SPHKAP: variants seen among roughly 807,000 people sequenced by gnomAD.
SPHKAP encodes SPHK1 interactor, AKAP domain containing.
Under a neutral mutation model 137.5 loss-of-function variants are expected in SPHKAP, and 67 were observed. That is an observed-to-expected ratio of 0.49 (90% CI 0.40 to 0.60). The LOEUF is 0.60. Ranked by LOEUF, SPHKAP falls within the 20% of genes least tolerant of loss-of-function variation. SPHKAP has a pLI of 0.00. For synonymous variants in SPHKAP, 813 were observed against 785.3 expected, an observed-to-expected ratio of 1.04 and a Z score of -0.59; for missense variants, 2,097 against 2,069.3, an observed-to-expected ratio of 1.01 and a Z score of -0.26.
Position 228,017,469 on chromosome 2 carries a change from A to G in SPHKAP, c.3385T>C (p.Phe1129Leu), listed in dbSNP as rs1559348608. Residue 1129 changes from phenylalanine (F) to leucine (L), a missense_variant, in exon 7 of 12, where the codon TTT becomes CTT. Transcript: ENST00000392056. Reference protein sequence around the residue: ...QSSCESITDEFSRFMVNQMEN... With the variant: ...QSSCESITDELSRFMVNQMEN... The stretch of plus-strand genomic sequence containing the variant: ...ATCTGGTTCACCATGAACCTGGAAA[A>G]CTCATCGGTGATGCTCTCACAGCTC... 6.2e-7 allele frequency: 1 copy of G among 1,612,064 alleles called. No homozygotes were observed. Among genetic ancestry groups the G allele is most frequent in the South Asian group, 1.1e-5 (1 of 90,924 alleles).
rs539419410 is a variant in SPHKAP at position 228,162,943 on chromosome 2, T to A, written c.32+18624A>T. Among the ~76,000 whole-genome samples, 11 of 152,202 alleles carry A rather than the reference T, an allele frequency of 7.2e-5. No homozygotes were observed. The South Asian group carries it at 2.3e-3, about 32-fold the overall frequency. On this transcript the variant is annotated intron_variant, in intron 1 of 11. Coordinates refer to ENST00000392056, the MANE Select transcript of SPHKAP (RefSeq NM_001142644.2). The stretch of plus-strand genomic sequence containing the variant: ...CAAACTCCTGACCTCAGTTGATCCA[T>A]CCAGCTCGGCCTCCCAAAGTGCTGT...
At chr2:228,034,736 C>T (rs890226530) in intron 3 of SPHKAP, among the ~76,000 whole-genome samples, 1 of 152,176 alleles carries the variant, frequency 6.6e-6, no homozygotes, top group African/African-American at 2.4e-5. Context: ...ATATGCAAAT[C>T]AATGAACATA....
chr2:228,073,581 C>A (rs57730328), intron 3 of SPHKAP, among the ~76,000 whole-genome samples: 1 of 152,174 alleles, frequency 6.6e-6, no homozygotes, highest in African/African-American at 2.4e-5. Flanking sequence ...ATAACATAAA[C>A]AGAGCCTGAC....
chr2:228,034,113 C>T (rs1695471202), intron 3 of SPHKAP, among the ~76,000 whole-genome samples: 1 of 151,898 alleles, frequency 6.6e-6, no homozygotes, highest in Non-Finnish European at 1.5e-5. Context: ...AAAAGATCAA[C>T]AAAATTGATA....
intron 3 of SPHKAP, among the ~76,000 whole-genome samples, chr2:228,069,491 C>T (rs1484361050): frequency 2.1e-5 from 3 of 139,790 alleles, no homozygotes; most frequent in African/African-American, 5.5e-5. Flanking sequence ...CACTCTGTTG[C>T]TCAGGCTGGT....
intron 2 of SPHKAP, among the ~76,000 whole-genome samples, chr2:228,117,884 G>C (rs1272212976): frequency 1.5e-5 from 2 of 136,498 alleles, no homozygotes; most frequent in Non-Finnish European, 3.2e-5. Context: ...AAATTTTATT[G>C]GTTCATTGAA....
At chr2:227,986,958 C>G (rs1162737846) in intron 11 of SPHKAP, among the ~76,000 whole-genome samples, 1 of 152,172 alleles carries the variant, frequency 6.6e-6, no homozygotes, top group Non-Finnish European at 1.5e-5. Context: ...TAATTACATT[C>G]AAGTTAACTG....
chr2:228,122,854 G>C (rs532366721), intron 2 of SPHKAP, among the ~76,000 whole-genome samples: 1 of 152,308 alleles, frequency 6.6e-6, no homozygotes, highest in Admixed American at 6.5e-5. Context: ...TGGCTCTGTA[G>C]ATGCAACTGG....
chr2:227,981,985 C>T, intron 11 of SPHKAP, 125 bp from the exon 12 acceptor site: 1 of 1,339,296 alleles, frequency 7.5e-7, no homozygotes. Context: ...TGTCAGAGGA[C>T]TGTTTTCCGG....
chr2:228,045,974 G>T (rs765692473), intron 3 of SPHKAP, among the ~76,000 whole-genome samples: 2 of 152,086 alleles, frequency 1.3e-5, no homozygotes, highest in African/African-American at 2.4e-5. Flanking sequence ...AGATGAATCA[G>T]TTCTGGAGAT....
chr2:228,109,864 A>G (rs1049540699), intron 2 of SPHKAP, among the ~76,000 whole-genome samples: 1 of 148,756 alleles, frequency 6.7e-6, no homozygotes, highest in East Asian at 2.0e-4. Context: ...CTACTGAGAC[A>G]GGAGAATCAC....
At chr2:228,097,235 A>G (rs1403355425) in intron 3 of SPHKAP, among the ~76,000 whole-genome samples, 1 of 152,218 alleles carries the variant, frequency 6.6e-6, no homozygotes, top group Admixed American at 6.5e-5. Context: ...ACTTGAAGCT[A>G]TTCTGAGCTA....
chr2:228,159,671 A>G (rs13400035), intron 1 of SPHKAP, among the ~76,000 whole-genome samples: 21,823 of 152,144 alleles, frequency 0.14, 1,598 homozygotes, highest in East Asian at 0.2. Flanking sequence ...GAAAATGGAG[A>G]TCTGGGCCTA....
rs574258653 is a variant in SPHKAP at position 227,980,204 on chromosome 2, G to C, written c.*1513C>G. 6.6e-6 allele frequency: 1 copy of C among 152,634 alleles called. No individual in the cohort carries two copies. Among genetic ancestry groups the C allele is most frequent in the East Asian group, 1.9e-4 (1 of 5,184 alleles). The allele number at this position is 152,634 out of a possible 1,614,324, so 9.5% of individuals were successfully genotyped here. A position where few individuals can be genotyped will look rare whatever the true frequency, so the allele number is the denominator to read the frequency against. ...TTTTAAAACTGGGCATTTAGTTAAT[G>C]TGTCAAATTAAGCATAATAACCTAA... On this transcript the variant is annotated 3_prime_UTR_variant, in exon 12 of 12. Coordinates refer to ENST00000392056, the MANE Select transcript of SPHKAP (RefSeq NM_001142644.2).
At chr2:228,053,197 A>C (rs1255604046) in intron 3 of SPHKAP, among the ~76,000 whole-genome samples, 1 of 152,140 alleles carries the variant, frequency 6.6e-6, no homozygotes, top group Admixed American at 6.5e-5. Context: ...TCTTTTCATA[A>C]GGGCAATCTC....
chr2:228,080,107 A>G (rs1441636876), intron 3 of SPHKAP, among the ~76,000 whole-genome samples: 1 of 152,164 alleles, frequency 6.6e-6, no homozygotes. Context: ...TAGGTAACAA[A>G]AGCAAAAATA....
chr2:228,066,956 T>C (rs964278440), intron 3 of SPHKAP, among the ~76,000 whole-genome samples: 1 of 152,264 alleles, frequency 6.6e-6, no homozygotes, highest in Admixed American at 6.5e-5. Context: ...TCTTTATTCA[T>C]GCATCCTGTT....
chr2:228,031,300 G>A (rs912774844), intron 3 of SPHKAP, among the ~76,000 whole-genome samples: 21 of 152,280 alleles, frequency 1.4e-4, no homozygotes, highest in African/African-American at 4.8e-4. Context: ...AAACTGCAAG[G>A]CAGCAGCGAG....
At chr2:228,070,064 C>T (rs1183848634) in intron 3 of SPHKAP, among the ~76,000 whole-genome samples, 1 of 152,252 alleles carries the variant, frequency 6.6e-6, no homozygotes, top group East Asian at 1.9e-4. Context: ...ACAGTTGACC[C>T]TTGAACAATG....
Sources: allele counts gnomAD v4.1 joint callset (sites outside exome capture counted in the v4.1 genomes callset), GRCh38; gene constraint gnomAD v4.1.1; transcripts MANE v1.5; gene names NCBI Gene and HGNC (gene_info 2026-07-23, HGNC 2026-07-21).